Variants in PRKAG2 observed in about 807,000 individuals in gnomAD.
PRKAG2 encodes 5'-AMP-activated protein kinase subunit gamma-2.
In PRKAG2, 26 loss-of-function variants were observed where a neutral mutation model predicts 69.6. That is an observed-to-expected ratio of 0.37 (90% CI 0.27 to 0.52). The LOEUF (loss-of-function observed/expected upper bound fraction) is 0.52. Among genes scored for constraint, PRKAG2 ranks in the 20% least tolerant of loss-of-function variants. The pLI is 0.90. For missense variants in PRKAG2, 557 were observed against 740.0 expected (o/e 0.75, Z 2.87); for synonymous variants, 293 against 285.0 (o/e 1.03, Z -0.28).
intron 6 of PRKAG2, among the ~76,000 whole-genome samples, chr7:151,589,922 G>T (rs965406608): frequency 1.3e-5 from 2 of 152,126 alleles, no homozygotes; most frequent in Admixed American, 1.3e-4. Context: ...GTGACAGAAT[G>T]AGACCCTGTC....
chr7:151,718,438 C>T (rs568190346), intron 3 of PRKAG2, among the ~76,000 whole-genome samples: 8 of 152,148 alleles, frequency 5.3e-5, no homozygotes, highest in Admixed American at 2.6e-4. Flanking sequence ...TCGGGGGACA[C>T]GATCTGGTCC....
chr7:151,797,227 AC>A (rs55815832), intron 1 of PRKAG2, among the ~76,000 whole-genome samples: 90,575 of 133,568 alleles, frequency 0.68, 27,380 homozygotes, highest in Middle Eastern at 0.73. Flanking sequence ...GCTTCTTGCC[AC>A]CCCCCCCACC....
chr7:151,818,329 C>G (rs376492986), intron 1 of PRKAG2, among the ~76,000 whole-genome samples: 2 of 140,764 alleles, frequency 1.4e-5, no homozygotes, highest in African/African-American at 5.4e-5. Flanking sequence ...GAATAACAGA[C>G]CTGGGTTAGA....
intron 5 of PRKAG2, among the ~76,000 whole-genome samples, chr7:151,599,112 C>T (rs867277838): frequency 2.6e-5 from 4 of 152,124 alleles, no homozygotes; most frequent in African/African-American, 9.7e-5. Flanking sequence ...CTCGGCCTCC[C>T]AAAGTGCTGG....
At position 151,819,282 on chromosome 7, in the gene PRKAG2, C is replaced by T. The variant is rs140760843; in HGVS notation, c.115-32741G>A. 7.5e-3 allele frequency among the ~76,000 whole-genome samples: 1,143 copies of T among 152,348 alleles called. 9 individuals carry two copies. The highest frequency in any genetic ancestry group is 0.014 in the Middle Eastern group (4 of 294). On this transcript the variant is annotated intron_variant, in intron 1 of 15. Coordinates refer to ENST00000287878, the MANE Select transcript of PRKAG2 (RefSeq NM_016203.4). ...TCGGAGTGCATCTGCCAGAGGGCAG[C>T]GCTGAGACTTCCTCTGAGCTACAAG...
rs1477007229 is a variant in PRKAG2, at chr7:151,611,950, C to CT, written c.755-16497dup. The stretch of plus-strand genomic sequence containing the variant: ...GTCCCAGCTACTCGAGAGACTGAGG[C>CT]TTGAGAATGTCTTGAACCTGGGAGG... On this transcript the variant is annotated intron_variant, in intron 5 of 15. Coordinates refer to ENST00000287878, the MANE Select transcript of PRKAG2 (RefSeq NM_016203.4). 3.3e-5 allele frequency among the ~76,000 whole-genome samples: 5 copies of CT among 152,130 alleles called. No individual in the cohort carries two copies. The East Asian group carries it at 9.6e-4, about 29-fold the overall frequency.
chr7:151,597,086 A>G (rs371239380), intron 5 of PRKAG2, among the ~76,000 whole-genome samples: 68 of 152,360 alleles, frequency 4.5e-4, no homozygotes, highest in African/African-American at 1.6e-3. Context: ...ACAGACACAC[A>G]GACAAAGAGA....
In PRKAG2 at chr7:151,807,287, G is replaced by A. The variant is rs2078161127; in HGVS notation, c.115-20746C>T. The A allele has an allele frequency of 2.5e-6, 1 of 402,590 alleles. No homozygotes were observed. The highest frequency in any genetic ancestry group is 5.1e-6 in the Non-Finnish European group (1 of 197,116). 24.9% of individuals were successfully genotyped at this position (402,590 alleles called of 1,614,324 possible). Reference sequence around the variant, plus strand: ...CAGCCACCAGCAGACCCATGGGATAGGGGAAGAAAAACAAGCAATCTACAG... The same window carrying A: ...CAGCCACCAGCAGACCCATGGGATAAGGGAAGAAAAACAAGCAATCTACAG... On this transcript the variant is annotated intron_variant, in intron 1 of 15. Transcript: ENST00000287878. The surrounding 1 kb of genome is among the most constrained non-coding windows in gnomAD (Gnocchi z 4.4).
intron 3 of PRKAG2, among the ~76,000 whole-genome samples, chr7:151,725,391 T>C (rs571195944): frequency 2.6e-5 from 4 of 151,422 alleles, no homozygotes; most frequent in Non-Finnish European, 5.9e-5. Context: ...GGGAGGAGCA[T>C]GGGGAGTCAG....
At chr7:151,653,478 A>C (rs1246982402) in intron 4 of PRKAG2, among the ~76,000 whole-genome samples, 2 of 152,202 alleles carry the variant, frequency 1.3e-5, no homozygotes, top group Non-Finnish European at 2.9e-5. Context: ...GGCTACTAGA[A>C]TCCAAATCAT....
intron 3 of PRKAG2, among the ~76,000 whole-genome samples, chr7:151,716,881 T>C (rs1012595613): frequency 6.6e-6 from 1 of 152,050 alleles, no homozygotes; most frequent in African/African-American, 2.4e-5. Flanking sequence ...CCAGAGCGTT[T>C]TAGGGAAATG....
At chr7:151,658,968 T>A (rs1342857902) in intron 4 of PRKAG2, among the ~76,000 whole-genome samples, 1 of 152,200 alleles carries the variant, frequency 6.6e-6, no homozygotes, top group East Asian at 1.9e-4. Flanking sequence ...ATATAATGGA[T>A]GGGTACAGTA....
In PRKAG2 at chr7:151,836,845, A is replaced by C. The variant is rs1382177005; in HGVS notation, c.114+39662T>G. ...ACTTAGGACTAAGAAGCCACTGAGA[A>C]TATTCAGTTCTTGGATCATCCACAA... On this transcript the variant is annotated intron_variant, in intron 1 of 15. Transcript: ENST00000287878. This position sits in a 1 kb window ranked among gnomAD's most constrained non-coding sequence, Gnocchi z 4.1. Among the ~76,000 whole-genome samples, 1 of 152,208 alleles carries C rather than the reference A, an allele frequency of 6.6e-6. No homozygotes were observed. The highest frequency in any genetic ancestry group is 2.4e-5 in the African/African-American group (1 of 41,462).
intron 1 of PRKAG2, among the ~76,000 whole-genome samples, chr7:151,792,547 A>C (rs1458130584): frequency 6.6e-6 from 1 of 152,236 alleles, no homozygotes; most frequent in Non-Finnish European, 1.5e-5. Context: ...GATCAGATGC[A>C]GTTCCGACCT....
intron 4 of PRKAG2, among the ~76,000 whole-genome samples, chr7:151,663,362 T>G (rs1830593698): frequency 6.6e-6 from 1 of 152,172 alleles, no homozygotes; most frequent in Non-Finnish European, 1.5e-5. Flanking sequence ...TATTTACCAC[T>G]TGGCCAACAT....
intron 5 of PRKAG2, among the ~76,000 whole-genome samples, chr7:151,626,878 G>T (rs770932775): frequency 2.0e-5 from 3 of 151,756 alleles, no homozygotes; most frequent in Admixed American, 1.3e-4. Flanking sequence ...TTCATGTGCC[G>T]TGGCCCTTTG....
chr7:151,605,936 C>CAAAAAAAAAAAAAAAA (rs560080587), intron 5 of PRKAG2, among the ~76,000 whole-genome samples: 7 of 91,042 alleles, frequency 7.7e-5, no homozygotes, highest in African/African-American at 2.7e-4. Flanking sequence ...GACTCCGTCT[C>CAAAAAAAAAAAAAAAA]AAAAAAAAAA....
chr7:151,777,088 G>C lies in PRKAG2; in HGVS notation c.466+4064C>G, dbSNP rs759162997. 6.6e-6 allele frequency among the ~76,000 whole-genome samples: 1 copy of C among 152,142 alleles called. No individual in the cohort carries two copies. The highest frequency in any genetic ancestry group is 6.5e-5 in the Admixed American group (1 of 15,274). ...CTCTCTGACTCCACCTGCCTGTCTC[G>C]GCCCCTGGCTTTAAGGAAAGGGTGG... is the stretch of plus-strand genomic sequence containing the variant. On this transcript the variant is annotated intron_variant, in intron 3 of 15. Transcript: ENST00000287878. This position sits in a 1 kb window ranked among gnomAD's most constrained non-coding sequence, Gnocchi z 4.3.
chr7:151,697,457 C>T lies in PRKAG2; in HGVS notation c.467-21820G>A, dbSNP rs140429863. ...TGTGGGACAGCAGGAGGAGCTTGAA[C>T]TCTGTGGGGACTTGGAGCAGAAAGG... On this transcript the variant is annotated intron_variant, in intron 3 of 15. Transcript: ENST00000287878. Among the ~76,000 whole-genome samples the T allele has an allele frequency of 1.9e-3, 296 of 152,188 alleles. 3 individuals are homozygous for T. Among genetic ancestry groups the T allele is most frequent in the African/African-American group, 6.9e-3 (285 of 41,528 alleles).
Sources: gnomAD v4.1 joint callset for allele counts (sites outside exome capture counted in the v4.1 genomes callset) on GRCh38, gnomAD v4.1.1 for gene constraint, Gnocchi (gnomAD v3.1) non-coding constraint, MANE v1.5 for transcripts, NCBI Gene and HGNC (gene_info 2026-07-23, HGNC 2026-07-21) for gene names.